The following FMN2 variants were observed in gnomAD, a reference collection of about 807,000 sequenced individuals.
FMN2 encodes the protein formin-2.
In FMN2, 51 loss-of-function variants were observed where a neutral mutation model predicts 142.3. That is an observed-to-expected ratio of 0.36 (90% CI 0.29 to 0.45). FMN2 has a LOEUF of 0.45. Ranked by LOEUF, FMN2 falls within the 20% of genes least tolerant of loss-of-function variation. The probability of loss-of-function intolerance (pLI) is 1.00; values close to 1 mark genes in which losing one functional copy is unlikely to be tolerated. For synonymous variants in FMN2, 882 were observed against 869.8 expected (o/e 1.01, Z -0.25); for missense variants, 1,936 against 2,122.8 (o/e 0.91, Z 1.73).
At chr1:240,095,830 T>C (rs1387573680) in intron 1 of FMN2, among the ~76,000 whole-genome samples, 2 of 152,178 alleles carry the variant, frequency 1.3e-5, no homozygotes, top group East Asian at 1.9e-4. Flanking sequence ...AAAAGAGTCC[T>C]GTATAGGAAC....
chr1:240,285,057 G>A (rs1336692871), intron 7 of FMN2, among the ~76,000 whole-genome samples: 1 of 151,880 alleles, frequency 6.6e-6, no homozygotes, highest in Non-Finnish European at 1.5e-5. Context: ...ATTCTCACAT[G>A]TATTTCCCAA....
chr1:240,396,880 G>A (rs935131684), intron 15 of FMN2, among the ~76,000 whole-genome samples: 2 of 152,160 alleles, frequency 1.3e-5, no homozygotes, highest in Non-Finnish European at 1.5e-5. Context: ...TTGATTCCAT[G>A]TCTTTGCTAT....
chr1:240,436,194 G>A (rs1475385024), intron 15 of FMN2, among the ~76,000 whole-genome samples: 12 of 152,078 alleles, frequency 7.9e-5, no homozygotes, highest in Admixed American at 2.6e-4. Flanking sequence ...CTCACATAGC[G>A]TATGCACTTC....
intron 2 of FMN2, chr1:240,144,660 C>T: frequency 6.2e-6 from 8 of 1,291,034 alleles, no homozygotes; most frequent in South Asian, 1.2e-5. Flanking sequence ...GGCTCAGACA[C>T]ATAATTCACA....
At chr1:240,277,014 T>C (rs1669238700) in intron 7 of FMN2, among the ~76,000 whole-genome samples, 4 of 152,232 alleles carry the variant, frequency 2.6e-5, no homozygotes, top group Admixed American at 2.6e-4. Flanking sequence ...GTGTTTGCAC[T>C]GTTGCCACTT....
chr1:240,434,906 A>G (rs1411112291), intron 15 of FMN2, among the ~76,000 whole-genome samples: 4 of 151,774 alleles, frequency 2.6e-5, no homozygotes, highest in Non-Finnish European at 5.9e-5. Context: ...ACTAGTGTAC[A>G]GCTGAGACAG....
intron 4 of FMN2, among the ~76,000 whole-genome samples, chr1:240,205,919 A>T (rs112922344): frequency 1.5e-5 from 2 of 129,126 alleles, no homozygotes; most frequent in African/African-American, 6.0e-5. Flanking sequence ...TTTTTGAGAC[A>T]GTGTCTCACT....
chr1:240,433,025 A>G (rs1383374725), intron 15 of FMN2, among the ~76,000 whole-genome samples: 1 of 152,136 alleles, frequency 6.6e-6, no homozygotes, highest in African/African-American at 2.4e-5. Flanking sequence ...GTGATATTTT[A>G]ATCTAGTTCT....
intron 6 of FMN2, among the ~76,000 whole-genome samples, chr1:240,241,824 G>C (rs1667907440): frequency 1.7e-5 from 1 of 59,486 alleles, no homozygotes; most frequent in African/African-American, 8.1e-5. Flanking sequence ...AGTGTGCCTT[G>C]CTTTTTTTTT....
chr1:240,442,908 C>T (rs1391645434), intron 16 of FMN2, among the ~76,000 whole-genome samples: 6 of 152,214 alleles, frequency 3.9e-5, no homozygotes, highest in African/African-American at 2.4e-5. Flanking sequence ...TTTCAAGAGT[C>T]AGTTTCCTAA....
chr1:240,186,685 A>G (rs1283289835), intron 3 of FMN2, among the ~76,000 whole-genome samples: 1 of 152,160 alleles, frequency 6.6e-6, no homozygotes, highest in African/African-American at 2.4e-5. Flanking sequence ...CTATGGAAGA[A>G]GCATGACTGG....
chr1:240,255,514 G>C (rs1332238580), intron 6 of FMN2, among the ~76,000 whole-genome samples: 2 of 152,164 alleles, frequency 1.3e-5, no homozygotes, highest in Non-Finnish European at 2.9e-5. Context: ...ACTAAATGCT[G>C]AAAATAGAGT....
intron 1 of FMN2, among the ~76,000 whole-genome samples, chr1:240,102,445 AT>A (rs1267904469): frequency 1.3e-5 from 2 of 152,178 alleles, no homozygotes; most frequent in African/African-American, 2.4e-5. Flanking sequence ...TTTGAAACTC[AT>A]TTTTTAACCT....
Position 240,123,631 on chromosome 1 carries a change from T to C in FMN2, c.1782+286T>C, listed in dbSNP as rs181479484. 4.1e-3 allele frequency among the ~76,000 whole-genome samples: 630 copies of C among 152,266 alleles called. 22 individuals carry two copies. Among genetic ancestry groups the C allele is most frequent in the Admixed American group, 0.038 (586 of 15,286 alleles). On this transcript the variant is annotated intron_variant, in intron 2 of 17. Transcript: ENST00000319653. ...CTTTAATCAACGATGATTTTAAAAA[T>C]TGATTTCTAAATTATTTTTAATTGT...
chr1:240,191,189 C>T (rs1259543553), intron 4 of FMN2, among the ~76,000 whole-genome samples: 1 of 152,222 alleles, frequency 6.6e-6, no homozygotes, highest in East Asian at 1.9e-4. Context: ...TGTTCAGACA[C>T]CTGTTCTCTC....
At chr1:240,132,236 G>T (rs1047645859) in intron 2 of FMN2, among the ~76,000 whole-genome samples, 1 of 152,170 alleles carries the variant, frequency 6.6e-6, no homozygotes, top group Non-Finnish European at 1.5e-5. Context: ...CTTTATGGAG[G>T]CTATACCTCA....
intron 2 of FMN2, among the ~76,000 whole-genome samples, chr1:240,135,828 T>C (rs918471520): frequency 1.3e-5 from 2 of 151,842 alleles, no homozygotes; most frequent in Admixed American, 6.6e-5. Flanking sequence ...TACAGGTACA[T>C]GCCACCATGC....
intron 2 of FMN2, among the ~76,000 whole-genome samples, chr1:240,134,355 C>T (rs974357974): frequency 3.9e-5 from 6 of 152,254 alleles, no homozygotes; most frequent in African/African-American, 1.4e-4. Context: ...TGGTGGCTCA[C>T]ACCTGTAATC....
At chr1:240,282,724 T>C (rs1379774793) in intron 7 of FMN2, among the ~76,000 whole-genome samples, 2 of 152,210 alleles carry the variant, frequency 1.3e-5, no homozygotes, top group Non-Finnish European at 2.9e-5. Context: ...AGAATGCAAG[T>C]AGTATTTCCT....
Sources: allele counts gnomAD v4.1 joint callset (sites outside exome capture counted in the v4.1 genomes callset), GRCh38; gene constraint gnomAD v4.1.1; transcripts MANE v1.5; gene names NCBI Gene and HGNC (gene_info 2026-07-23, HGNC 2026-07-21).